The following LAMA5 variants were observed in gnomAD, a reference collection of about 807,000 sequenced individuals.
LAMA5 encodes laminin subunit alpha-5.
In LAMA5, 260 loss-of-function variants were observed where a neutral mutation model predicts 433.4. The observed-to-expected ratio is 0.60, with a 90% CI of 0.54 to 0.66. LAMA5 has a LOEUF of 0.66. Among genes scored for constraint, LAMA5 ranks in the 30% least tolerant of loss-of-function variants. LAMA5 has a pLI of 0.00. For missense variants in LAMA5, 5,378 were observed against 5,258.5 expected (o/e 1.02, Z -0.70); for synonymous variants, 2,620 against 2,226.6 (o/e 1.18, Z -4.97).
At position 62,328,431 on chromosome 20, in the gene LAMA5, C is replaced by A. The variant is rs750534666; in HGVS notation, c.4462G>T (p.Ala1488Ser). The A allele has an allele frequency of 2.7e-6, 4 of 1,503,258 alleles. No homozygotes were observed. Among genetic ancestry groups the A allele is most frequent in the Non-Finnish European group, 3.6e-6 (4 of 1,119,238 alleles). 93.1% of individuals were successfully genotyped at this position (1,503,258 alleles called of 1,614,324 possible). ...FPNCRPCDCG[A>S]RLCDELTGQC... The stretch of plus-strand genomic sequence containing the variant: ...CCCGTGAGCTCGTCACAGAGGCGGG[C>A]ACCGCAGTCACAGGCTGTGGGGCGG... Residue 1488 changes from alanine to serine, a missense_variant, in exon 35 of 80, where the codon GCC (alanine) becomes TCC (serine). Transcript: ENST00000252999.
At position 62,338,549 on chromosome 20, in the gene LAMA5, C is replaced by T; in HGVS notation, c.1537G>A (p.Gly513Arg). ...GNACRKDPRV[G>R]RCLCKPNFQG... ...AAGTTGGGTTTGCACAGACAGCGTC[C>T]CACCCTTGGGTCCTTCCGGCAGGCG... The change falls in exon 12 of 80, where the codon GGA (glycine) becomes AGA (arginine). Residue 513 changes from glycine to arginine, a missense_variant. Transcript: ENST00000252999. The T allele has an allele frequency of 6.2e-7, 1 of 1,611,240 alleles. No individual in the cohort carries two copies. Among genetic ancestry groups the T allele is most frequent in the South Asian group, 1.1e-5 (1 of 90,584 alleles).
At chr20:62,342,696 CA>C (rs113491899) in intron 11 of LAMA5, among the ~76,000 whole-genome samples, 13 of 145,700 alleles carry the variant, frequency 8.9e-5, no homozygotes, top group Non-Finnish European at 1.4e-4. Flanking sequence ...AACAAAAAAA[CA>C]AAAAAAAAAG....
rs1244881369 is a variant in LAMA5 at position 62,312,495 on chromosome 20, C to T, written c.9265G>A (p.Gly3089Ser). Residue 3089 changes from glycine (G) to serine (S), a missense_variant, in exon 68 of 80, where the codon GGC becomes AGC. Transcript: ENST00000252999. ...AGGGCCTTGATGCCTTTGACGCAGCCACGGACTGAGCCTCCGGTGGGGAAG... is the reference window on the plus strand; with the variant it reads ...AGGGCCTTGATGCCTTTGACGCAGCTACGGACTGAGCCTCCGGTGGGGAAG... The part of the protein sequence containing the change: ...RLFPTGGSVR[G>S]CVKGIKALGK... 5 of 1,598,596 alleles carry T rather than the reference C, an allele frequency of 3.1e-6. No individual in the cohort carries two copies. Among genetic ancestry groups the T allele is most frequent in the Non-Finnish European group, 4.2e-6 (5 of 1,179,688 alleles).
In LAMA5 at chr20:62,324,399, T is replaced by A. The variant is rs764650189; in HGVS notation, c.5643+42A>T. 15 of 1,513,020 alleles carry A rather than the reference T, an allele frequency of 9.9e-6. No homozygotes were observed. The highest frequency in any genetic ancestry group is 1.4e-5 in the Non-Finnish European group (15 of 1,097,726). The allele number at this position is 1,513,020 out of a possible 1,614,324, so 93.7% of individuals were successfully genotyped here. On this transcript the variant is annotated intron_variant, in intron 42 of 79. Coordinates refer to ENST00000252999, the MANE Select transcript of LAMA5 (RefSeq NM_005560.6). The surrounding 1 kb of genome is among the most constrained non-coding windows in gnomAD (Gnocchi z 4.4). ...TTCCCTGGCACACTTGACTGTGCCTTCAGTGAATGCTGCCCCCCTGGCCCC... is the reference window on the plus strand; with the variant it reads ...TTCCCTGGCACACTTGACTGTGCCTACAGTGAATGCTGCCCCCCTGGCCCC...
chr20:62,315,569 C>T (rs974134657), intron 58 of LAMA5, among the ~76,000 whole-genome samples: 5 of 152,164 alleles, frequency 3.3e-5, no homozygotes, highest in Non-Finnish European at 5.9e-5. Context: ...CCAAGCCTCT[C>T]AGGGTGGGAG....
Position 62,314,433 on chromosome 20 carries a change from C to G in LAMA5, c.8375G>C (p.Gly2792Ala). 6.2e-7 allele frequency: 1 copy of G among 1,613,412 alleles called. No homozygotes were observed. The highest frequency in any genetic ancestry group is 8.5e-7 in the Non-Finnish European group (1 of 1,179,938). Residue 2792 changes from glycine (G) to alanine (A), a missense_variant, in exon 62 of 80, where the codon GGG (glycine) becomes GCG (alanine). Physicochemically the swap from Gly to Ala is moderately conservative, Grantham distance 60. Transcript: ENST00000252999. ...VMYMGSRQAT[G>A]DYMGVSLRDK... Reference sequence around the variant, plus strand: ...ACGCAGAGACACACCCATGTAGTCCCCAGTGGCCTGCGGCAGTGACAGACA... The same window carrying G: ...ACGCAGAGACACACCCATGTAGTCCGCAGTGGCCTGCGGCAGTGACAGACA...
At chr20:62,321,486 T>G (rs1049975518) in intron 48 of LAMA5, among the ~76,000 whole-genome samples, 3 of 576 alleles carry the variant, frequency 5.2e-3, no homozygotes, top group African/African-American at 9.8e-3. Flanking sequence ...AGTGGAGGGG[T>G]GGGGTCAGTG....
At chr20:62,354,627 G>C (rs1318960905) in intron 2 of LAMA5, among the ~76,000 whole-genome samples, 1 of 149,306 alleles carries the variant, frequency 6.7e-6, no homozygotes, top group Non-Finnish European at 1.5e-5. Context: ...CCCAGGAGCA[G>C]GGGGGGTCCC....
At position 62,316,652 on chromosome 20, in the gene LAMA5, A is replaced by C. The variant is rs1241189436; in HGVS notation, c.7756+19T>G. ...ATGCCCAGCAGGCCTAAGGGCCCCC[A>C]TCGGAGCCCAGCACTCACCAAGGCC... is the stretch of plus-strand genomic sequence containing the variant. On this transcript the variant is annotated intron_variant, in intron 57 of 79. Transcript: ENST00000252999. 1 of 1,531,436 alleles carries C rather than the reference A, an allele frequency of 6.5e-7. No homozygotes were observed. Among genetic ancestry groups the C allele is most frequent in the Non-Finnish European group, 8.8e-7 (1 of 1,133,586 alleles). The allele number at this position is 1,531,436 out of a possible 1,614,324, so 94.9% of individuals were successfully genotyped here. A position where few individuals can be genotyped will look rare whatever the true frequency, so the allele number is the denominator to read the frequency against.
At chr20:62,346,417 C>A in intron 9 of LAMA5, 89 bp downstream of exon 9, 1 of 1,406,068 alleles carries the variant, frequency 7.1e-7, no homozygotes, top group South Asian at 1.3e-5. Context: ...CTCAGGACAT[C>A]CCCTCCAAAG....
chr20:62,310,991 T>G lies in LAMA5; in HGVS notation c.10192A>C (p.Asn3398His), dbSNP rs781065929. 3.1e-6 allele frequency: 5 copies of G among 1,611,254 alleles called. No individual in the cohort carries two copies. The African/African-American group carries it at 5.3e-5, about 17-fold the overall frequency. The change falls in exon 74 of 80, where the codon AAT becomes CAT. Residue 3398 changes from asparagine to histidine, a missense_variant. Asn to His is a moderately conservative substitution (Grantham distance 68). Transcript: ENST00000252999. The part of the protein sequence containing the change: ...GSPSLALFLS[N>H]GHFVAQMEGL... ...TCCATCTGTGCAACGAAGTGGCCAT[T>G]GCTCAGGAAGAGCGCCAGGGAGGGG... is the stretch of plus-strand genomic sequence containing the variant.
chr20:62,332,340 C>A, intron 28 of LAMA5, 32 bp downstream of exon 28: 2 of 1,467,088 alleles, frequency 1.4e-6, no homozygotes, highest in Non-Finnish European at 9.5e-7. Flanking sequence ...AAGAAGCTGA[C>A]CCCTTGGGGT....
intron 3 of LAMA5, 192 bp downstream of exon 3, chr20:62,352,942 G>C (rs1427960479): frequency 3.0e-5 from 16 of 528,288 alleles, no homozygotes; most frequent in Non-Finnish European, 5.3e-5. Context: ...GGACTTGGCT[G>C]TGCCCGACGC....
In LAMA5 at chr20:62,337,855, T is replaced by C. The variant is rs1601372894; in HGVS notation, c.1975A>G (p.Thr659Ala). Residue 659 changes from threonine to alanine, a missense_variant, in exon 15 of 80, where the codon ACT becomes GCT. Physicochemically the swap from Thr to Ala is moderately conservative, Grantham distance 58. Transcript: ENST00000252999. ...CCGGGGCTGCATTCCTGGCAGGCAG[T>C]GCCTGTGTAGCCGGGGCGGCAGCGG... ...LCRCRPGYTG[T>A]ACQECSPGFH... 1.9e-6 allele frequency: 3 copies of C among 1,612,722 alleles called. No homozygotes were observed. Among genetic ancestry groups the C allele is most frequent in the East Asian group, 4.5e-5 (2 of 44,882 alleles).
rs777844429 is a variant in LAMA5, at chr20:62,353,167, C to T, written c.535G>A (p.Gly179Ser). Residue 179 changes from glycine to serine, a missense_variant, in exon 3 of 80, where the codon GGC becomes AGC. Physicochemically the swap from Gly to Ser is moderately conservative, Grantham distance 56. Coordinates refer to ENST00000252999, the MANE Select transcript of LAMA5 (RefSeq NM_005560.6). ...AACTGCCAGGGCTGGTAGGTGCGGC[C>T]GAAGTCCATGGACCGCTCCAGCACC... is the stretch of plus-strand genomic sequence containing the variant. Reference protein sequence around the residue: ...LWVLERSMDFGRTYQPWQFFA... With the variant: ...LWVLERSMDFSRTYQPWQFFA... 6.3e-6 allele frequency: 10 copies of T among 1,579,978 alleles called. No homozygotes were observed. Among genetic ancestry groups the T allele is most frequent in the East Asian group, 2.3e-5 (1 of 43,038 alleles).
Position 62,325,533 on chromosome 20 carries a change from T to C in LAMA5, c.5312A>G (p.His1771Arg). ...QLQLVEGNFR[H>R]TETRNTVSRE... ...GGACACAGTGTTGCGCGTCTCCGTA[T>C]GCCGGAAGTTCCCCTGTGGGTCCAG... The change falls in exon 41 of 80, where the codon CAT (histidine) becomes CGT (arginine). Residue 1771 changes from histidine (H) to arginine (R), a missense_variant. Physicochemically the swap from His to Arg is conservative, Grantham distance 29. Coordinates refer to ENST00000252999, the MANE Select transcript of LAMA5 (RefSeq NM_005560.6). The C allele has an allele frequency of 6.2e-7, 1 of 1,607,514 alleles. No homozygotes were observed.
In LAMA5 at chr20:62,327,873, T is replaced by A. The variant is rs1374647862; in HGVS notation, c.4790A>T (p.Tyr1597Phe). ...GGCCCAGCCCTCACTCACCTTACAG[T>A]AGCACTGCCCTGTGAGGGGGTCACA... is the stretch of plus-strand genomic sequence containing the variant. ...GVCDPLTGQC[Y>F]CKENVQGPKC... Residue 1597 changes from tyrosine (Y) to phenylalanine (F), a missense_variant, in exon 36 of 80, where the codon TAC becomes TTC. Coordinates refer to ENST00000252999, the MANE Select transcript of LAMA5 (RefSeq NM_005560.6). 4.4e-6 allele frequency: 7 copies of A among 1,608,444 alleles called. No homozygotes were observed. The highest frequency in any genetic ancestry group is 5.1e-6 in the Non-Finnish European group (6 of 1,178,144).
intron 45 of LAMA5, among the ~76,000 whole-genome samples, 182 bp from the exon 46 acceptor site, chr20:62,322,940 G>A (rs1392658297): frequency 7.2e-5 from 11 of 151,782 alleles, no homozygotes; most frequent in South Asian, 2.1e-4. Flanking sequence ...CCCTGGGCCC[G>A]AGGGACCTGC....
Position 62,352,187 on chromosome 20 carries a change from C to G in LAMA5, c.687+55G>C, listed in dbSNP as rs941916309. ...AGCCCCGCTCGGCACTGCCCCTCCC[C>G]TACCCACCTCTCCGTTCTCCAGCCC... On this transcript the variant is annotated intron_variant, in intron 4 of 79. Coordinates refer to ENST00000252999, the MANE Select transcript of LAMA5 (RefSeq NM_005560.6). 1.3e-5 allele frequency: 21 copies of G among 1,563,546 alleles called. No homozygotes were observed. The East Asian group carries it at 3.4e-4, about 25-fold the overall frequency.
Sources: allele counts gnomAD v4.1 joint callset (sites outside exome capture counted in the v4.1 genomes callset), GRCh38; gene constraint gnomAD v4.1.1; non-coding constraint Gnocchi (gnomAD v3.1); transcripts MANE v1.5; gene names NCBI Gene and HGNC (gene_info 2026-07-23, HGNC 2026-07-21).